Variants in EFL1 observed in about 807,000 individuals in gnomAD.
EFL1 encodes the protein elongation factor-like GTPase 1.
EFL1 carries 76 observed loss-of-function variants against 126.7 expected under a neutral mutation model. That is an observed-to-expected ratio of 0.60 (90% CI 0.50 to 0.73). EFL1 has a LOEUF of 0.73. Ranked by LOEUF, EFL1 falls within the 30% of genes least tolerant of loss-of-function variation. EFL1 has a pLI of 0.00. For synonymous variants in EFL1, 410 were observed against 448.4 expected, an observed-to-expected ratio of 0.91 and a Z score of 1.08; for missense variants, 1,128 against 1,343.2, an observed-to-expected ratio of 0.84 and a Z score of 2.50.
rs142368361 is a variant in EFL1 at position 82,240,340 on chromosome 15, C to T, written c.516+78G>A. On this transcript the variant is annotated intron_variant, in intron 6 of 19. Coordinates refer to ENST00000268206, the MANE Select transcript of EFL1 (RefSeq NM_024580.6). ...GGAAAAGTTCCCTTTTCTGTAGCAACGGCTCATACCCAGCTCAGTAACTTC... is the reference window on the plus strand; with the variant it reads ...GGAAAAGTTCCCTTTTCTGTAGCAATGGCTCATACCCAGCTCAGTAACTTC... 2,004 of 1,385,576 alleles carry T rather than the reference C, an allele frequency of 1.4e-3. 23 individuals carry two copies. In the African/African-American group the frequency reaches 0.025, roughly 18 times the overall value. The allele number at this position is 1,385,576 out of a possible 1,614,324, so 85.8% of individuals were successfully genotyped here.
At chr15:82,245,161 G>GC (rs2074960531) in intron 4 of EFL1, among the ~76,000 whole-genome samples, 1 of 151,232 alleles carries the variant, frequency 6.6e-6, no homozygotes, top group Non-Finnish European at 1.5e-5. Flanking sequence ...TTTGTTTTTT[G>GC]TTTTTTTTAG....
chr15:82,231,546 C>T (rs958564839), intron 7 of EFL1, among the ~76,000 whole-genome samples: 11 of 152,106 alleles, frequency 7.2e-5, no homozygotes, highest in Admixed American at 3.3e-4. Context: ...CTATATACAG[C>T]ATCTGCATTG....
rs187753449 is a variant in EFL1 at position 82,230,122 on chromosome 15, G to A, written c.855+726C>T. On this transcript the variant is annotated intron_variant, in intron 8 of 19. Transcript: ENST00000268206. ...ACAAAAGCAAAAGGGCAGCTACGTT[G>A]TATAAACAGCATATCTCAACTGAGG... is the stretch of plus-strand genomic sequence containing the variant. 3.8e-3 allele frequency among the ~76,000 whole-genome samples: 577 copies of A among 152,192 alleles called. 2 individuals are homozygous for A. Among genetic ancestry groups the A allele is most frequent in the Non-Finnish European group, 5.9e-3 (402 of 67,980 alleles).
intron 18 of EFL1, among the ~76,000 whole-genome samples, chr15:82,143,122 GTTTTC>G (rs999637291): frequency 9.9e-5 from 15 of 152,030 alleles, no homozygotes; most frequent in African/African-American, 3.6e-4. Context: ...CCACAGCAAT[GTTTTC>G]TTTAACAGTA....
chr15:82,244,597 T>C (rs1211406743), intron 4 of EFL1, among the ~76,000 whole-genome samples: 1 of 152,176 alleles, frequency 6.6e-6, no homozygotes, highest in African/African-American at 2.4e-5. Flanking sequence ...AACAATCCAA[T>C]CTTTTTATGT....
At chr15:82,246,876 T>A (rs1294619621) in intron 4 of EFL1, among the ~76,000 whole-genome samples, 3 of 152,066 alleles carry the variant, frequency 2.0e-5, no homozygotes, top group African/African-American at 7.3e-5. Flanking sequence ...TTGGGAAGAA[T>A]GAGCAAGACC....
chr15:82,238,614 T>A (rs1456249646), intron 6 of EFL1, 93 bp from the exon 7 acceptor site: 3 of 1,140,806 alleles, frequency 2.6e-6, no homozygotes, highest in African/African-American at 3.1e-5. Context: ...AGGGCTAGAA[T>A]CATTAGTCAG....
intron 18 of EFL1, 121 bp downstream of exon 18, chr15:82,151,344 T>A (rs2073904439): frequency 1.1e-6 from 1 of 924,482 alleles, no homozygotes; most frequent in Non-Finnish European, 1.6e-6. Flanking sequence ...GCCGAGATTG[T>A]GCCACTGCAC....
At position 82,240,560 on chromosome 15, in the gene EFL1, T is replaced by C. The variant is rs778891428; in HGVS notation, c.379-5A>G. 26 of 1,605,868 alleles carry C rather than the reference T, an allele frequency of 1.6e-5. No individual in the cohort carries two copies. Among genetic ancestry groups the C allele is most frequent in the Non-Finnish European group, 2.1e-5 (25 of 1,178,002 alleles). ...TTGTCGCAGAACTGCCTGTGTCTGA[T>C]AAAAACAGAAAGAAAAATGTAAAAC... On this transcript the variant is annotated splice_polypyrimidine_tract_variant and splice_region_variant and intron_variant, in intron 5 of 19. Coordinates refer to ENST00000268206, the MANE Select transcript of EFL1 (RefSeq NM_024580.6).
intron 15 of EFL1, among the ~76,000 whole-genome samples, chr15:82,186,869 T>C (rs575584321): frequency 1.3e-5 from 2 of 152,286 alleles, no homozygotes; most frequent in South Asian, 4.1e-4. Context: ...AAATTGCAGG[T>C]CCCCTGGAAC....
chr15:82,204,489 T>C (rs567800266), intron 15 of EFL1, among the ~76,000 whole-genome samples: 2 of 152,334 alleles, frequency 1.3e-5, no homozygotes, highest in African/African-American at 4.8e-5. Flanking sequence ...TTCCACCTTC[T>C]TCAAAGCCCT....
intron 7 of EFL1, among the ~76,000 whole-genome samples, chr15:82,235,308 T>C (rs2074861906): frequency 6.6e-6 from 1 of 152,208 alleles, no homozygotes; most frequent in Non-Finnish European, 1.5e-5. Flanking sequence ...ACATCCTCAA[T>C]AAAGCTAGAC....
At position 82,240,404 on chromosome 15, in the gene EFL1, A is replaced by G. The variant is rs1206920502; in HGVS notation, c.516+14T>C. On this transcript the variant is annotated intron_variant, in intron 6 of 19. Transcript: ENST00000268206. ...TTCGTGGCTAAATTTTTTAAATACT[A>G]AAAATTAAAATACCTGTTCTAAAAT... The G allele has an allele frequency of 6.4e-7, 1 of 1,555,732 alleles. No homozygotes were observed. Among genetic ancestry groups the G allele is most frequent in the Non-Finnish European group, 8.7e-7 (1 of 1,149,912 alleles).
intron 3 of EFL1, among the ~76,000 whole-genome samples, chr15:82,253,135 T>A (rs1050011452): frequency 1.3e-5 from 2 of 152,026 alleles, no homozygotes; most frequent in Non-Finnish European, 2.9e-5. Flanking sequence ...ACTTCCCAGG[T>A]TCAAGTGATT....
At chr15:82,236,824 G>A (rs62012046) in intron 7 of EFL1, among the ~76,000 whole-genome samples, 23,873 of 152,184 alleles carry the variant, frequency 0.16, 2,426 homozygotes, top group Non-Finnish European at 0.24. Flanking sequence ...AATGATAAAC[G>A]AAACTTCAGC....
At chr15:82,173,054 T>C (rs1442456805) in intron 15 of EFL1, among the ~76,000 whole-genome samples, 1 of 152,168 alleles carries the variant, frequency 6.6e-6, no homozygotes, top group Non-Finnish European at 1.5e-5. Context: ...AACTCATCTA[T>C]GTGCACAAGG....
chr15:82,207,170 T>C (rs2074532842), intron 15 of EFL1, among the ~76,000 whole-genome samples: 1 of 151,908 alleles, frequency 6.6e-6, no homozygotes, highest in Non-Finnish European at 1.5e-5. Context: ...ATAAATCTCA[T>C]TATCTACCCA....
intron 1 of EFL1, 146 bp downstream of exon 1, chr15:82,262,468 A>C: frequency 5.4e-6 from 1 of 184,068 alleles, no homozygotes; most frequent in African/African-American, 2.4e-5. Flanking sequence ...CCCAGACGGG[A>C]AGCGGCACTC....
At position 82,261,722 on chromosome 15, in the gene EFL1, G is replaced by A. The variant is rs779002917; in HGVS notation, c.57C>T (p.Ile19=). ...MIQLQKNTAN[I]RNICVLAHVD... ...CATGAGCCAAAACACAAATATTCCT[G>A]ATGTTGGCAGTGTTTTTCTGGAGTT... The change falls in exon 2 of 20, where the codon ATC becomes ATT. Residue 19 remains isoleucine (I), a synonymous_variant. Transcript: ENST00000268206. 1.2e-6 allele frequency: 2 copies of A among 1,613,984 alleles called. No individual in the cohort carries two copies. The highest frequency in any genetic ancestry group is 2.2e-5 in the East Asian group (1 of 44,876).
Sources: gnomAD v4.1 joint callset for allele counts (sites outside exome capture counted in the v4.1 genomes callset) on GRCh38, gnomAD v4.1.1 for gene constraint, MANE v1.5 for transcripts, NCBI Gene and HGNC (gene_info 2026-07-23, HGNC 2026-07-21) for gene names.